The following NEBL variants were observed in gnomAD, a reference collection of about 807,000 sequenced individuals.
NEBL encodes LIM and SH3 protein 2.
In NEBL, 122 loss-of-function variants were observed where a neutral mutation model predicts 140.2. That is an observed-to-expected ratio of 0.87 (90% CI 0.75 to 1.01). NEBL has a LOEUF of 1.01. NEBL is among the 50% of genes least tolerant of loss of function. The probability of loss-of-function intolerance (pLI) is 0.00; values close to 1 mark genes in which losing one functional copy is unlikely to be tolerated. For missense variants in NEBL, 1,365 were observed against 1,231.3 expected, an observed-to-expected ratio of 1.11 and a Z score of -1.62; for synonymous variants, 436 against 398.9, an observed-to-expected ratio of 1.09 and a Z score of -1.11.
At chr10:20,793,178 A>G (rs1316082300) in intron 26 of NEBL, among the ~76,000 whole-genome samples, 1 of 152,240 alleles carries the variant, frequency 6.6e-6, no homozygotes, top group Non-Finnish European at 1.5e-5. Flanking sequence ...GGCTTACTGC[A>G]TAATAAACTA....
intron 2 of NEBL, among the ~76,000 whole-genome samples, chr10:21,133,469 GA>G (rs1402526132): frequency 1.3e-5 from 2 of 152,170 alleles, no homozygotes; most frequent in Non-Finnish European, 2.9e-5. Context: ...CCCAAAGCCA[GA>G]TTCCATCTTA....
chr10:20,943,744 C>T (rs528918342), intron 4 of NEBL, among the ~76,000 whole-genome samples: 8 of 152,304 alleles, frequency 5.3e-5, no homozygotes, highest in Non-Finnish European at 1.0e-4. Context: ...TCCTTACACA[C>T]GTAAAACTAA....
chr10:20,917,487 T>A (rs1380774733), intron 4 of NEBL, among the ~76,000 whole-genome samples: 1 of 152,210 alleles, frequency 6.6e-6, no homozygotes, highest in Non-Finnish European at 1.5e-5. Flanking sequence ...TCAGGGGATG[T>A]CTATTTATTT....
At position 21,053,957 on chromosome 10, in the gene NEBL, TG is replaced by T. The variant is rs1362200205; in HGVS notation, c.165-33757del. Among the ~76,000 whole-genome samples, 6 of 152,130 alleles carry T rather than the reference TG, an allele frequency of 3.9e-5. 1 individual carries two copies. In the East Asian group the frequency reaches 5.8e-4, roughly 15 times the overall value. On this transcript the variant is annotated intron_variant, in intron 2 of 6. Transcript: ENST00000417816. The stretch of plus-strand genomic sequence containing the variant: ...CTGAGGCAGGAAAATCACTTGAACC[TG>T]GGAGGTGGAGGTTGCAGTGAGCCAA...
chr10:21,139,195 T>G (rs1839501154), intron 2 of NEBL, among the ~76,000 whole-genome samples: 1 of 152,172 alleles, frequency 6.6e-6, no homozygotes, highest in South Asian at 2.1e-4. Context: ...TCTGGGAATC[T>G]AAGTCAAGCT....
intron 3 of NEBL, among the ~76,000 whole-genome samples, chr10:21,231,047 G>A: frequency 6.6e-6 from 1 of 152,320 alleles, no homozygotes; most frequent in East Asian, 1.9e-4. Flanking sequence ...CCAAAAGAAA[G>A]TCAATTGATT....
At chr10:21,018,286 T>G (rs1229164006) in intron 3 of NEBL, among the ~76,000 whole-genome samples, 2 of 152,164 alleles carry the variant, frequency 1.3e-5, no homozygotes, top group African/African-American at 4.8e-5. Context: ...GAAATGAGTA[T>G]TTGATTGCTT....
chr10:21,264,193 C>G (rs1842772473), intron 1 of NEBL, among the ~76,000 whole-genome samples: 1 of 152,174 alleles, frequency 6.6e-6, no homozygotes, highest in Admixed American at 6.5e-5. Context: ...CACTGTGTCC[C>G]CAGTTGGGAT....
At chr10:21,258,445 C>G (rs1842693927) in intron 1 of NEBL, among the ~76,000 whole-genome samples, 1 of 152,162 alleles carries the variant, frequency 6.6e-6, no homozygotes, top group South Asian at 2.1e-4. Context: ...TGGCTCGTAC[C>G]TGTAATCCCA....
intron 9 of NEBL, among the ~76,000 whole-genome samples, chr10:20,854,874 C>T (rs1842899805): frequency 6.6e-6 from 1 of 152,072 alleles, no homozygotes; most frequent in African/African-American, 2.4e-5. Context: ...CCACAGAGTA[C>T]ATCGTGATGG....
chr10:21,100,960 C>A (rs953953513), intron 2 of NEBL, among the ~76,000 whole-genome samples: 1 of 152,136 alleles, frequency 6.6e-6, no homozygotes, highest in Non-Finnish European at 1.5e-5. Context: ...GTTTCCATTC[C>A]CACACATCGA....
intron 5 of NEBL, among the ~76,000 whole-genome samples, chr10:20,874,082 A>G (rs958596894): frequency 6.6e-6 from 1 of 152,182 alleles, no homozygotes; most frequent in African/African-American, 2.4e-5. Flanking sequence ...TTTCTTCCAT[A>G]GGAACACCTA....
At chr10:20,850,567 A>C (rs908803164) in intron 10 of NEBL, 65 bp from the exon 11 acceptor site, 10 of 1,043,904 alleles carry the variant, frequency 9.6e-6, no homozygotes, top group Non-Finnish European at 1.5e-5. Context: ...CAAACTAAGA[A>C]AAAATATATG....
Position 21,233,697 on chromosome 10 carries a change from CAT to C in NEBL, n.348+14222_348+14223del, listed in dbSNP as rs199721397. ...ATATATGTATATCTAGATATAGAGACATATTTATATATGCATATATATGGATA... is the reference window on the plus strand; with the variant it reads ...ATATATGTATATCTAGATATAGAGACATTTATATATGCATATATATGGATA... On this transcript the variant is annotated intron_variant and non_coding_transcript_variant, in intron 3 of 8. Coordinates refer to the NEBL transcript ENST00000675702. Among the ~76,000 whole-genome samples, 14 of 140,370 alleles carry C rather than the reference CAT, an allele frequency of 1.0e-4. 1 individual carries two copies. The highest frequency in any genetic ancestry group is 6.1e-4 in the East Asian group (3 of 4,890). 92.1% of individuals were successfully genotyped at this position (140,370 alleles called of 152,430 possible).
intron 2 of NEBL, among the ~76,000 whole-genome samples, chr10:21,115,889 G>C (rs1215775979): frequency 1.3e-5 from 2 of 151,820 alleles, no homozygotes; most frequent in South Asian, 2.1e-4. Flanking sequence ...TTATAAACAT[G>C]ATGGGCTATT....
intron 4 of NEBL, among the ~76,000 whole-genome samples, chr10:20,944,797 TAC>T (rs1392494661): frequency 1.3e-5 from 2 of 152,158 alleles, no homozygotes; most frequent in African/African-American, 4.8e-5. Flanking sequence ...TGCTTCGACA[TAC>T]AGAGATACAA....
chr10:21,024,905 G>T (rs1156278008), intron 2 of NEBL, among the ~76,000 whole-genome samples: 1 of 152,182 alleles, frequency 6.6e-6, no homozygotes, highest in Non-Finnish European at 1.5e-5. Flanking sequence ...GAAGAGAGAA[G>T]TCAAGCATCT....
intron 3 of NEBL, among the ~76,000 whole-genome samples, chr10:21,233,149 AC>A (rs1842288198): frequency 6.6e-6 from 1 of 151,970 alleles, no homozygotes; most frequent in Admixed American, 6.6e-5. Context: ...TGCAACCTCC[AC>A]CTCCCAAGCT....
At chr10:20,812,577 G>A (rs1313465375) in intron 24 of NEBL, among the ~76,000 whole-genome samples, 192 bp downstream of exon 24, 2 of 151,164 alleles carry the variant, frequency 1.3e-5, no homozygotes, top group African/African-American at 4.9e-5. Flanking sequence ...GACTTGAGAT[G>A]ATACCAGGTG....
Sources: gnomAD v4.1 joint callset for allele counts (sites outside exome capture counted in the v4.1 genomes callset) on GRCh38, gnomAD v4.1.1 for gene constraint, MANE v1.5 for transcripts, NCBI Gene and HGNC (gene_info 2026-07-23, HGNC 2026-07-21) for gene names.